Variants in ANO3 observed in about 807,000 individuals in gnomAD.
The protein encoded by ANO3 is anoctamin 3.
Under a neutral mutation model 144.8 loss-of-function variants are expected in ANO3, and 99 were observed. That is an observed-to-expected ratio of 0.68 (90% CI 0.58 to 0.81). ANO3 has a LOEUF of 0.81. Ranked by LOEUF, ANO3 falls within the 30% of genes least tolerant of loss-of-function variation. ANO3 has a pLI of 0.00. For missense variants in ANO3, 905 were observed against 1,202.2 expected (o/e 0.75, Z 3.66); for synonymous variants, 414 against 392.6 (o/e 1.05, Z -0.64).
intron 1 of ANO3, among the ~76,000 whole-genome samples, chr11:26,323,005 A>G (rs543957102): frequency 6.6e-6 from 1 of 152,024 alleles, no homozygotes; most frequent in Non-Finnish European, 1.5e-5. Flanking sequence ...ATATTACTTC[A>G]TTTATTTTGG....
At chr11:26,302,232 C>T (rs531964667) in intron 1 of ANO3, among the ~76,000 whole-genome samples, 3 of 152,252 alleles carry the variant, frequency 2.0e-5, no homozygotes, top group African/African-American at 7.2e-5. Flanking sequence ...TGCGGTGGCT[C>T]ACGACTGTAA....
intron 12 of ANO3, among the ~76,000 whole-genome samples, chr11:26,548,043 A>C (rs1849834044): frequency 6.6e-6 from 1 of 151,974 alleles, no homozygotes; most frequent in African/African-American, 2.4e-5. Flanking sequence ...TCTAAATAAA[A>C]CAATTATACC....
rs1008085307 is a variant in ANO3, at chr11:26,442,197, C to T, written c.241+85C>T. On this transcript the variant is annotated intron_variant, in intron 2 of 26. Transcript: ENST00000256737. ...TCCTTTCCTTCCTTTTTCCATTGGA[C>T]CAGTTTTATAGAGCTCTTCAGGAAG... 25 of 1,363,836 alleles carry T rather than the reference C, an allele frequency of 1.8e-5. No homozygotes were observed. The Admixed American group carries it at 4.6e-4, about 25-fold the overall frequency. The allele number at this position is 1,363,836 out of a possible 1,614,324, so 84.5% of individuals were successfully genotyped here. A position where few individuals can be genotyped will look rare whatever the true frequency, so the allele number is the denominator to read the frequency against.
chr11:26,654,762 G>T (rs1265021942), intron 24 of ANO3, among the ~76,000 whole-genome samples: 3 of 152,080 alleles, frequency 2.0e-5, no homozygotes, highest in Non-Finnish European at 2.9e-5. Context: ...ATCACATTAA[G>T]ATCCTACCAG....
At chr11:26,494,219 C>A (rs1202101172) in intron 4 of ANO3, among the ~76,000 whole-genome samples, 2 of 150,294 alleles carry the variant, frequency 1.3e-5, no homozygotes, top group African/African-American at 4.9e-5. Context: ...AATATATATT[C>A]ATATATATGT....
In ANO3 at chr11:26,641,974, T is replaced by C. The variant is rs1442733168; in HGVS notation, c.2220T>C (p.Asp740=). The C allele has an allele frequency of 3.1e-6, 5 of 1,613,998 alleles. No homozygotes were observed. Among genetic ancestry groups the C allele is most frequent in the East Asian group, 2.2e-5 (1 of 44,846 alleles). The change falls in exon 22 of 27, where the codon GAT becomes GAC. Residue 740 remains aspartate (D), a synonymous_variant. Transcript: ENST00000256737. ...CTTCCATACCTCAGTGGGAAAATGA[T>C]TGGAATCTGCAGCCCATGAACCTTC... is the stretch of plus-strand genomic sequence containing the variant. The part of the protein sequence containing the change: ...HDASIPQWEN[D]WNLQPMNLHG...
intron 11 of ANO3, among the ~76,000 whole-genome samples, chr11:26,545,281 G>A (rs183640270): frequency 9.9e-5 from 15 of 152,148 alleles, no homozygotes; most frequent in Admixed American, 3.9e-4. Flanking sequence ...CATAGGCACA[G>A]CCTGTATTGT....
intron 1 of ANO3, among the ~76,000 whole-genome samples, chr11:26,246,751 T>C (rs1852806694): frequency 6.6e-6 from 1 of 152,016 alleles, no homozygotes; most frequent in Admixed American, 6.6e-5. Context: ...GGGTGGGTTT[T>C]TCCTGTGCTG....
At chr11:26,382,951 A>T (rs550058698) in intron 1 of ANO3, among the ~76,000 whole-genome samples, 2 of 152,146 alleles carry the variant, frequency 1.3e-5, no homozygotes, top group South Asian at 4.1e-4. Context: ...GATGTCTCTG[A>T]CTCTGAGTGG....
intron 1 of ANO3, among the ~76,000 whole-genome samples, chr11:26,245,358 A>G (rs1852767188): frequency 6.6e-6 from 1 of 152,182 alleles, no homozygotes; most frequent in Admixed American, 6.5e-5. Context: ...CTCTTCCACA[A>G]CAAAATTTTA....
intron 1 of ANO3, among the ~76,000 whole-genome samples, chr11:26,320,583 C>T (rs1003923168): frequency 1.3e-5 from 2 of 152,034 alleles, no homozygotes; most frequent in African/African-American, 4.8e-5. Flanking sequence ...ATTGTATTTG[C>T]AATTTATTAA....
intron 17 of ANO3, among the ~76,000 whole-genome samples, chr11:26,619,030 A>C (rs77874619): frequency 0.15 from 23,138 of 152,174 alleles, 2,053 homozygotes; most frequent in East Asian, 0.33. Context: ...TGCTTAGGAT[A>C]TGTCATTTCT....
chr11:26,559,692 T>G (rs759545641), intron 13 of ANO3, 27 bp from the exon 14 acceptor site: 1 of 1,550,020 alleles, frequency 6.5e-7, no homozygotes, highest in Non-Finnish European at 8.9e-7. Context: ...TTTGCATGAC[T>G]AATATTTCTG....
At chr11:26,457,847 C>T (rs1293144058) in intron 3 of ANO3, among the ~76,000 whole-genome samples, 1 of 152,096 alleles carries the variant, frequency 6.6e-6, no homozygotes, top group African/African-American at 2.4e-5. Flanking sequence ...TTGTCATAAT[C>T]AGATTTACTG....
intron 1 of ANO3, among the ~76,000 whole-genome samples, chr11:26,265,875 G>A (rs899111394): frequency 1.3e-5 from 2 of 152,114 alleles, no homozygotes; most frequent in Non-Finnish European, 2.9e-5. Context: ...AAGTGACATG[G>A]TTACAAATCA....
intron 2 of ANO3, among the ~76,000 whole-genome samples, chr11:26,443,551 G>A (rs1041244983): frequency 1.3e-5 from 2 of 152,138 alleles, no homozygotes; most frequent in Admixed American, 6.5e-5. Flanking sequence ...GCAGTGAGCC[G>A]AGATCATGCC....
At chr11:26,436,748 A>G (rs1020232437) in intron 1 of ANO3, among the ~76,000 whole-genome samples, 3 of 152,166 alleles carry the variant, frequency 2.0e-5, no homozygotes, top group African/African-American at 4.8e-5. Flanking sequence ...GAAGGCAACA[A>G]TAGCTAAGAC....
intron 24 of ANO3, among the ~76,000 whole-genome samples, chr11:26,649,460 C>T (rs777651741): frequency 1.3e-5 from 2 of 152,086 alleles, no homozygotes; most frequent in African/African-American, 4.8e-5. Context: ...AATGTTCGGC[C>T]GGGCGCGGTG....
intron 4 of ANO3, among the ~76,000 whole-genome samples, chr11:26,477,182 A>G (rs576047343): frequency 3.3e-5 from 5 of 152,110 alleles, no homozygotes; most frequent in Non-Finnish European, 7.3e-5. Flanking sequence ...TGAATAAGAC[A>G]TGGTTTCCAT....
Sources: gnomAD v4.1 joint callset for allele counts (sites outside exome capture counted in the v4.1 genomes callset) on GRCh38, gnomAD v4.1.1 for gene constraint, MANE v1.5 for transcripts, NCBI Gene and HGNC (gene_info 2026-07-23, HGNC 2026-07-21) for gene names.